The following MCTP1 variants were observed in gnomAD, a reference collection of about 807,000 sequenced individuals.
MCTP1 encodes multiple C2 and transmembrane domain-containing protein 1.
MCTP1 carries 69 observed loss-of-function variants against 120.6 expected under a neutral mutation model. The observed-to-expected ratio is 0.57, with a 90% CI of 0.47 to 0.70. The LOEUF is 0.70. Among genes scored for constraint, MCTP1 ranks in the 30% least tolerant of loss-of-function variants. The pLI is 0.00. For synonymous variants in MCTP1, 529 were observed against 493.1 expected, an observed-to-expected ratio of 1.07 and a Z score of -0.96; for missense variants, 1,203 against 1,248.8, an observed-to-expected ratio of 0.96 and a Z score of 0.55.
rs529472603 is a variant in MCTP1 at position 94,784,268 on chromosome 5, C to T, written c.2557-5105G>A. Among the ~76,000 whole-genome samples, 115 of 152,078 alleles carry T rather than the reference C, an allele frequency of 7.6e-4. No homozygotes were observed. In the Middle Eastern group the frequency reaches 0.01, roughly 13 times the overall value. ...AACACAGTCTGGAGTTCATTTATAT[C>T]ACTGTGTTTGTGCATAAACCAAGCA... On this transcript the variant is annotated intron_variant, in intron 18 of 22. Coordinates refer to ENST00000515393, the MANE Select transcript of MCTP1 (RefSeq NM_024717.7).
chr5:94,783,284 A>T (rs1044983617), intron 18 of MCTP1, among the ~76,000 whole-genome samples: 11 of 152,146 alleles, frequency 7.2e-5, no homozygotes, highest in Admixed American at 2.6e-4. Flanking sequence ...ATATTTGCTG[A>T]ACATTTGTCA....
intron 1 of MCTP1, among the ~76,000 whole-genome samples, chr5:95,261,614 CCT>C (rs759237561): frequency 2.0e-5 from 3 of 152,204 alleles, no homozygotes; most frequent in Non-Finnish European, 4.4e-5. Flanking sequence ...CAAAACTTCC[CCT>C]GATTGCTTCA....
chr5:95,056,497 A>C (rs1482136356), intron 1 of MCTP1, among the ~76,000 whole-genome samples: 3 of 152,214 alleles, frequency 2.0e-5, no homozygotes, highest in African/African-American at 7.2e-5. Context: ...ACATAAAACA[A>C]TGGATACAAT....
At chr5:94,827,434 A>G (rs970403348) in intron 17 of MCTP1, among the ~76,000 whole-genome samples, 3 of 152,062 alleles carry the variant, frequency 2.0e-5, no homozygotes, top group Admixed American at 6.5e-5. Context: ...GGTGAATCTG[A>G]CAATTATGTG....
At position 94,803,649 on chromosome 5, in the gene MCTP1, C is replaced by A. The variant is rs1948862; in HGVS notation, c.2437-4517G>T. Among the ~76,000 whole-genome samples, 9 of 152,224 alleles carry A rather than the reference C, an allele frequency of 5.9e-5. No homozygotes were observed. The East Asian group carries it at 1.7e-3, about 29-fold the overall frequency. ...TTACACTACATATAATTTTTTTTGGCCCTTCTAGCAGCTTATCACTTTTTG... is the reference window on the plus strand; with the variant it reads ...TTACACTACATATAATTTTTTTTGGACCTTCTAGCAGCTTATCACTTTTTG... On this transcript the variant is annotated intron_variant, in intron 17 of 22. Coordinates refer to ENST00000515393, the MANE Select transcript of MCTP1 (RefSeq NM_024717.7).
At chr5:94,953,494 TAA>T in intron 2 of MCTP1, 133 bp from the exon 3 acceptor site, 1 of 576,628 alleles carries the variant, frequency 1.7e-6, no homozygotes, top group Non-Finnish European at 2.7e-6. Context: ...AAATAAGAGT[TAA>T]GTGTTTTCTT....
At chr5:94,774,703 G>A (rs1428647729) in intron 19 of MCTP1, among the ~76,000 whole-genome samples, 1 of 152,148 alleles carries the variant, frequency 6.6e-6, no homozygotes, top group Non-Finnish European at 1.5e-5. Flanking sequence ...CCTCTACCAT[G>A]TGTGGCAATT....
intron 21 of MCTP1, 21 bp from the exon 22 acceptor site, chr5:94,708,630 A>C (rs1372586993): frequency 7.0e-7 from 1 of 1,435,648 alleles, no homozygotes; most frequent in African/African-American, 1.4e-5. Flanking sequence ...GTTGGAGTTA[A>C]ACAAAGCACA....
chr5:94,725,820 T>C (rs1762012630), intron 19 of MCTP1, among the ~76,000 whole-genome samples: 1 of 152,176 alleles, frequency 6.6e-6, no homozygotes, highest in Non-Finnish European at 1.5e-5. Context: ...GTTATAAAAT[T>C]AAATTAGTTT....
intron 1 of MCTP1, among the ~76,000 whole-genome samples, chr5:95,222,633 C>A (rs933037624): frequency 4.6e-5 from 7 of 152,210 alleles, no homozygotes; most frequent in African/African-American, 1.7e-4. Context: ...TTTCTGCTAT[C>A]ACAAAATGTA....
intron 2 of MCTP1, among the ~76,000 whole-genome samples, chr5:94,981,241 T>C (rs1829342644): frequency 6.6e-6 from 1 of 152,118 alleles, no homozygotes; most frequent in African/African-American, 2.4e-5. Context: ...TAATAAAAGA[T>C]GTAGAACCAA....
intron 2 of MCTP1, among the ~76,000 whole-genome samples, chr5:95,012,524 T>G (rs988696707): frequency 1.3e-5 from 2 of 152,170 alleles, no homozygotes; most frequent in African/African-American, 2.4e-5. Context: ...CTTGATCAAG[T>G]CTATCAGCAC....
intron 2 of MCTP1, among the ~76,000 whole-genome samples, chr5:95,007,685 A>G (rs1835038027): frequency 1.3e-5 from 2 of 152,196 alleles, no homozygotes; most frequent in Admixed American, 6.5e-5. Flanking sequence ...TGGCTGCCTT[A>G]TATCTGGTAG....
At chr5:95,208,685 G>A (rs1475217416) in intron 1 of MCTP1, among the ~76,000 whole-genome samples, 8 of 147,288 alleles carry the variant, frequency 5.4e-5, no homozygotes, top group Non-Finnish European at 1.0e-4. Flanking sequence ...CACAGTGTAG[G>A]ACAAAAAAGA....
intron 17 of MCTP1, among the ~76,000 whole-genome samples, chr5:94,846,375 T>C (rs2153220074): frequency 6.6e-6 from 1 of 152,166 alleles, no homozygotes; most frequent in Admixed American, 6.5e-5. Flanking sequence ...CTGGAGGCCA[T>C]TATCCTCAGC....
At position 94,706,006 on chromosome 5, in the gene MCTP1, T is replaced by A. The variant is rs1754481970; in HGVS notation, c.*1490A>T. 6.6e-6 allele frequency: 1 copy of A among 151,724 alleles called. No homozygotes were observed. The highest frequency in any genetic ancestry group is 2.4e-5 in the African/African-American group (1 of 41,394). 9.4% of individuals were successfully genotyped at this position (151,724 alleles called of 1,614,324 possible). On this transcript the variant is annotated 3_prime_UTR_variant, in exon 23 of 23. Coordinates refer to ENST00000515393, the MANE Select transcript of MCTP1 (RefSeq NM_024717.7). Reference sequence around the variant, plus strand: ...TTATAAGAAATAGTATTTAACAACTTATCTCTAAAATAAAAATACTTTAAA... The same window carrying A: ...TTATAAGAAATAGTATTTAACAACTAATCTCTAAAATAAAAATACTTTAAA...
At chr5:94,986,894 G>T (rs546265045) in intron 2 of MCTP1, among the ~76,000 whole-genome samples, 53 of 152,166 alleles carry the variant, frequency 3.5e-4, no homozygotes, top group African/African-American at 1.3e-3. Context: ...CTGGTTTCAG[G>T]ATCCACATGC....
intron 1 of MCTP1, 85 bp from the exon 2 acceptor site, chr5:95,017,569 A>G (rs1837365156): frequency 1.9e-6 from 1 of 533,524 alleles, no homozygotes; most frequent in Non-Finnish European, 2.9e-6. Context: ...AGCTTAACCC[A>G]AATTATAAGA....
intron 19 of MCTP1, among the ~76,000 whole-genome samples, chr5:94,777,033 C>T (rs548760419): frequency 7.9e-5 from 12 of 152,122 alleles, no homozygotes; most frequent in African/African-American, 2.2e-4. Context: ...GATTTTTATG[C>T]TATCAATTGC....
Sources: gnomAD v4.1 joint callset for allele counts (sites outside exome capture counted in the v4.1 genomes callset) on GRCh38, gnomAD v4.1.1 for gene constraint, MANE v1.5 for transcripts, NCBI Gene and HGNC (gene_info 2026-07-23, HGNC 2026-07-21) for gene names.